Variants in CRISP2 observed in about 807,000 individuals in gnomAD.
CRISP2 encodes the protein cysteine rich secretory protein 2.
Under a neutral mutation model 31.7 loss-of-function variants are expected in CRISP2, and 29 were observed. The ratio of observed to expected loss-of-function variants is 0.92; its 90% CI spans 0.68 to 1.25. The LOEUF (loss-of-function observed/expected upper bound fraction) is 1.25, where lower values mean the gene tolerates loss of function less well. Among genes scored for constraint, CRISP2 ranks in the 50% most tolerant of loss-of-function variants. The probability of loss-of-function intolerance (pLI) is 0.00; values close to 1 mark genes in which losing one functional copy is unlikely to be tolerated. For synonymous variants in CRISP2, 111 were observed against 101.4 expected, an observed-to-expected ratio of 1.09 and a Z score of -0.57; for missense variants, 318 against 286.5, an observed-to-expected ratio of 1.11 and a Z score of -0.79.
At chr6:49,701,924 TA>T (rs1407080951) in intron 4 of CRISP2, among the ~76,000 whole-genome samples, 270 of 11,542 alleles carry the variant, frequency 0.023, 1 homozygote, top group Non-Finnish European at 0.028. Flanking sequence ...TATTATATTA[TA>T]TATAATATAT....
intron 4 of CRISP2, among the ~76,000 whole-genome samples, chr6:49,702,535 G>T (rs1561880139): frequency 6.6e-6 from 1 of 151,728 alleles, no homozygotes; most frequent in Non-Finnish European, 1.5e-5. Context: ...TTGTGGTTTC[G>T]ATTTGCATTT....
chr6:49,682,320 C>T, the CRISP2 span, among the ~76,000 whole-genome samples: 2 of 152,152 alleles, frequency 1.3e-5, no homozygotes, highest in Non-Finnish European at 2.9e-5. Flanking sequence ...CTAAATCCCT[C>T]CTTATATATT....
chr6:49,701,269 C>T (rs1030794823), intron 4 of CRISP2, among the ~76,000 whole-genome samples: 2 of 151,832 alleles, frequency 1.3e-5, no homozygotes, highest in African/African-American at 4.8e-5. Flanking sequence ...TTTTATCCCA[C>T]GCCACCCTCC....
downstream of CRISP2, among the ~76,000 whole-genome samples, chr6:49,691,483 T>C (rs571166863): frequency 2.0e-5 from 3 of 152,202 alleles, no homozygotes; most frequent in Middle Eastern, 3.4e-3. Flanking sequence ...TTGTAATTTG[T>C]TTCAAGTCTG....
chr6:49,678,796 A>C, the CRISP2 span, among the ~76,000 whole-genome samples: 112,189 of 151,938 alleles, frequency 0.74, 42,236 homozygotes, highest in East Asian at 0.97. Flanking sequence ...CTTTCACCTG[A>C]AAAAGAGGTT....
chr6:49,678,559 C>T, the CRISP2 span, among the ~76,000 whole-genome samples: 1 of 152,150 alleles, frequency 6.6e-6, no homozygotes, highest in African/African-American at 2.4e-5. Context: ...CCCCGACTCC[C>T]TGGCTTTCTG....
At position 49,709,501 on chromosome 6, in the gene CRISP2, C is replaced by T. The variant is rs116734333; in HGVS notation, c.-9-296G>A. On this transcript the variant is annotated intron_variant, in intron 3 of 9. Transcript: ENST00000339139. ...TTTCTGCCTACTTCTGCTACCCTTA[C>T]GCCATCAAAAAGAAAATAGATTCCT... 7.3e-3 allele frequency among the ~76,000 whole-genome samples: 1,113 copies of T among 152,312 alleles called. 12 individuals carry two copies. Among genetic ancestry groups the T allele is most frequent in the African/African-American group, 0.025 (1,032 of 41,556 alleles).
chr6:49,697,733 C>T, intron 8 of CRISP2, 127 bp downstream of exon 8: 2 of 1,552,152 alleles, frequency 1.3e-6, no homozygotes, highest in East Asian at 2.4e-5. Flanking sequence ...CCTTAAAAAA[C>T]ATTTCCAAAC....
chr6:49,694,765 C>T (rs983767091), intron 9 of CRISP2, among the ~76,000 whole-genome samples: 13 of 144,692 alleles, frequency 9.0e-5, no homozygotes, highest in East Asian at 4.1e-4. Context: ...GAGACAGTCT[C>T]GCTCTGTTGC....
chr6:49,707,263 A>G lies in CRISP2; in HGVS notation c.66+1868T>C, dbSNP rs557042950. 1.1e-4 allele frequency among the ~76,000 whole-genome samples: 16 copies of G among 152,336 alleles called. No homozygotes were observed. In the South Asian group the frequency reaches 3.3e-3, roughly 32 times the overall value. On this transcript the variant is annotated intron_variant, in intron 4 of 9. Transcript: ENST00000339139. Reference sequence around the variant, plus strand: ...ATAAGTAAAAATTACAATACACATGATAACAAAACTGATCTTAATGATCTA... The same window carrying G: ...ATAAGTAAAAATTACAATACACATGGTAACAAAACTGATCTTAATGATCTA...
At chr6:49,688,736 C>CT (rs1218378288), downstream of CRISP2, among the ~76,000 whole-genome samples, 2 of 152,144 alleles carry the variant, frequency 1.3e-5, no homozygotes. Flanking sequence ...AATCTCATTA[C>CT]TTTCATTTAA....
intron 8 of CRISP2, among the ~76,000 whole-genome samples, chr6:49,696,160 C>CA (rs1012682503): frequency 5.3e-5 from 8 of 152,018 alleles, no homozygotes; most frequent in African/African-American, 1.9e-4. Flanking sequence ...AATTTGATGA[C>CA]AAGAGTCTGA....
At chr6:49,687,925 G>A (rs1057465391), downstream of CRISP2, among the ~76,000 whole-genome samples, 3 of 152,146 alleles carry the variant, frequency 2.0e-5, no homozygotes, top group African/African-American at 7.2e-5. Context: ...TAAGCCGGAT[G>A]GTTAAAGTCA....
the CRISP2 span, among the ~76,000 whole-genome samples, chr6:49,676,869 C>T: frequency 6.6e-6 from 1 of 152,072 alleles, no homozygotes; most frequent in Non-Finnish European, 1.5e-5. Context: ...CTTGCTAGGT[C>T]GTTCAGAGCA....
chr6:49,682,625 TTC>T, the CRISP2 span, among the ~76,000 whole-genome samples: 1 of 69,114 alleles, frequency 1.4e-5, no homozygotes. Context: ...CTTTCTTTCT[TTC>T]TTTCTTTCTT....
chr6:49,709,537 T>C (rs564735689), intron 3 of CRISP2, among the ~76,000 whole-genome samples: 78 of 152,350 alleles, frequency 5.1e-4, no homozygotes, highest in African/African-American at 1.8e-3. Context: ...TAATAGTTAA[T>C]TATAGTACTG....
At chr6:49,686,808 G>A in the CRISP2 span, among the ~76,000 whole-genome samples, 11 of 152,128 alleles carry the variant, frequency 7.2e-5, no homozygotes, top group Non-Finnish European at 2.9e-5. Context: ...CAATCCAAAT[G>A]TCCAACAATG....
intron 9 of CRISP2, among the ~76,000 whole-genome samples, chr6:49,693,740 T>C (rs1764283098): frequency 1.3e-5 from 2 of 152,218 alleles, no homozygotes; most frequent in African/African-American, 4.8e-5. Flanking sequence ...CTAATGTTTT[T>C]TTCAGTTTAT....
intron 9 of CRISP2, among the ~76,000 whole-genome samples, chr6:49,694,805 C>A (rs1282258130): frequency 6.7e-6 from 1 of 150,204 alleles, no homozygotes; most frequent in Non-Finnish European, 1.5e-5. Context: ...CCGAACTCGG[C>A]TCACTGCAAT....
Sources: allele counts gnomAD v4.1 joint callset (sites outside exome capture counted in the v4.1 genomes callset), GRCh38; gene constraint gnomAD v4.1.1; transcripts MANE v1.5; gene names NCBI Gene and HGNC (gene_info 2026-07-23, HGNC 2026-07-21).